Variants in ENTREP2 observed in about 807,000 individuals in gnomAD.
The protein encoded by ENTREP2 is protein ENTREP2.
At chr15:29,546,916 C>G in the ENTREP2 span, among the ~76,000 whole-genome samples, 14 of 138,086 alleles carry the variant, frequency 1.0e-4, 1 homozygote, top group Non-Finnish European at 1.4e-4. Flanking sequence ...AAAAAAAAAA[C>G]GGATACAATT....
chr15:29,433,502 A>G, the ENTREP2 span, among the ~76,000 whole-genome samples: 1 of 152,234 alleles, frequency 6.6e-6, no homozygotes, highest in Non-Finnish European at 1.5e-5. Flanking sequence ...ACTTAATGGT[A>G]CAAATCTTAT....
the ENTREP2 span, chr15:29,124,773 G>A: frequency 6.5e-7 from 1 of 1,549,312 alleles, no homozygotes; most frequent in East Asian, 2.4e-5. Context: ...TTAACCAGAA[G>A]GAGAATTCAG....
At chr15:29,188,908 T>C in the ENTREP2 span, among the ~76,000 whole-genome samples, 1 of 152,210 alleles carries the variant, frequency 6.6e-6, no homozygotes, top group East Asian at 1.9e-4. Flanking sequence ...AGCTTCTGCG[T>C]CAGCGAACAC....
the ENTREP2 span, among the ~76,000 whole-genome samples, chr15:29,218,948 A>G: frequency 6.6e-6 from 1 of 152,206 alleles, no homozygotes; most frequent in Non-Finnish European, 1.5e-5. Context: ...AATGCAATAA[A>G]AACAAAGATA....
chr15:29,656,604 A>C, the ENTREP2 span, among the ~76,000 whole-genome samples: 3 of 152,210 alleles, frequency 2.0e-5, no homozygotes, highest in Non-Finnish European at 4.4e-5. Flanking sequence ...GATGCTCAAC[A>C]TAATTTACCA....
At chr15:29,258,223 A>AC in the ENTREP2 span, among the ~76,000 whole-genome samples, 2 of 137,686 alleles carry the variant, frequency 1.5e-5, no homozygotes, top group African/African-American at 5.3e-5. Context: ...AAAAAAAAAA[A>AC]AAAAAAAAAA....
At chr15:29,193,441 T>C in the ENTREP2 span, among the ~76,000 whole-genome samples, 1 of 152,246 alleles carries the variant, frequency 6.6e-6, no homozygotes, top group African/African-American at 2.4e-5. Flanking sequence ...CTCTGGCCTT[T>C]GGACCCTGGG....
chr15:29,396,167 T>C, the ENTREP2 span, among the ~76,000 whole-genome samples: 1,185 of 152,290 alleles, frequency 7.8e-3, 17 homozygotes, highest in African/African-American at 0.027. Context: ...CAGCACATTA[T>C]TATTAAGTAT....
the ENTREP2 span, among the ~76,000 whole-genome samples, chr15:29,492,918 C>T: frequency 9.9e-5 from 15 of 151,320 alleles, 1 homozygote; most frequent in African/African-American, 2.7e-4. Context: ...GCAGGAGAAT[C>T]GCTTGAACCC....
the ENTREP2 span, among the ~76,000 whole-genome samples, chr15:29,283,747 A>T: frequency 1.3e-5 from 2 of 152,204 alleles, no homozygotes; most frequent in Admixed American, 1.3e-4. Context: ...ATATAATATA[A>T]ACAATGAGAA....
the ENTREP2 span, among the ~76,000 whole-genome samples, chr15:29,213,274 G>T: frequency 6.6e-6 from 1 of 152,090 alleles, no homozygotes; most frequent in Non-Finnish European, 1.5e-5. Context: ...GGCAATGCGG[G>T]CTCTTTTTTG....
chr15:29,499,283 T>C, the ENTREP2 span, among the ~76,000 whole-genome samples: 2 of 147,464 alleles, frequency 1.4e-5, no homozygotes, highest in Non-Finnish European at 3.0e-5. Context: ...CTTTGATTCC[T>C]TTCTCTTCAT....
At chr15:29,407,300 A>G in the ENTREP2 span, among the ~76,000 whole-genome samples, 1 of 152,186 alleles carries the variant, frequency 6.6e-6, no homozygotes, top group Non-Finnish European at 1.5e-5. Flanking sequence ...CAGTAAAAAC[A>G]TGGTATTAGA....
At chr15:29,399,913 G>A in the ENTREP2 span, among the ~76,000 whole-genome samples, 1 of 152,056 alleles carries the variant, frequency 6.6e-6, no homozygotes, top group Admixed American at 6.6e-5. Context: ...GTAGGCTCAG[G>A]AGGAGGAGGA....
chr15:29,208,422 A>G, the ENTREP2 span, among the ~76,000 whole-genome samples: 1 of 152,200 alleles, frequency 6.6e-6, no homozygotes, highest in Admixed American at 6.5e-5. Flanking sequence ...AATGATCGAG[A>G]AATGCTGGCA....
At chr15:29,446,958 G>C in the ENTREP2 span, among the ~76,000 whole-genome samples, 1 of 152,070 alleles carries the variant, frequency 6.6e-6, no homozygotes, top group African/African-American at 2.4e-5. Flanking sequence ...AGATAATCCA[G>C]GATTACATCC....
chr15:29,668,642 C>T, the ENTREP2 span, among the ~76,000 whole-genome samples: 1 of 152,118 alleles, frequency 6.6e-6, no homozygotes, highest in Non-Finnish European at 1.5e-5. Context: ...TGCTGGGGCT[C>T]GGAAGCTGAT....
At chr15:29,510,080 T>C in the ENTREP2 span, among the ~76,000 whole-genome samples, 8 of 151,978 alleles carry the variant, frequency 5.3e-5, no homozygotes, top group African/African-American at 1.9e-4. Context: ...CATCAAAAAG[T>C]GGGTGAAGGA....
the ENTREP2 span, among the ~76,000 whole-genome samples, chr15:29,590,113 A>G: frequency 2.0e-5 from 3 of 152,246 alleles, no homozygotes; most frequent in South Asian, 4.2e-4. Flanking sequence ...CAGCTGGGCC[A>G]CTGAGGTTTG....
Sources: allele counts gnomAD v4.1 joint callset (sites outside exome capture counted in the v4.1 genomes callset), GRCh38; gene constraint gnomAD v4.1.1; transcripts MANE v1.5; gene names NCBI Gene and HGNC (gene_info 2026-07-23, HGNC 2026-07-21).